The following SASH1 variants were observed in gnomAD, a reference collection of about 807,000 sequenced individuals.
The protein encoded by SASH1 is SAM and SH3 domain containing 1, also known as SAM and SH3 domain-containing protein 1.
SASH1 carries 44 observed loss-of-function variants against 125.2 expected under a neutral mutation model. The ratio of observed to expected loss-of-function variants is 0.35; its 90% CI spans 0.28 to 0.45. The LOEUF is 0.45. SASH1 is among the 20% of genes least tolerant of loss of function. SASH1 has a pLI of 1.00. For synonymous variants in SASH1, 639 were observed against 649.1 expected, an observed-to-expected ratio of 0.98 and a Z score of 0.24; for missense variants, 1,426 against 1,614.5, an observed-to-expected ratio of 0.88 and a Z score of 2.00.
intron 17 of SASH1, among the ~76,000 whole-genome samples, chr6:148,541,057 CA>C (rs1193770963): frequency 6.6e-6 from 1 of 151,918 alleles, no homozygotes; most frequent in Non-Finnish European, 1.5e-5. Flanking sequence ...GTACTTGTCT[CA>C]AACAGAAGAG....
chr6:148,464,330 A>G (rs762276382), intron 4 of SASH1, among the ~76,000 whole-genome samples: 4 of 152,216 alleles, frequency 2.6e-5, no homozygotes, highest in Non-Finnish European at 5.9e-5. Flanking sequence ...TGATAATTAA[A>G]TGTTTAAATG....
intron 2 of SASH1, among the ~76,000 whole-genome samples, chr6:148,417,582 AAAAT>A (rs61198279): frequency 2.0e-5 from 3 of 147,800 alleles, no homozygotes; most frequent in Non-Finnish European, 3.0e-5. Flanking sequence ...GGACTCTGTC[AAAAT>A]AAATAAATAA....
the SASH1 span, among the ~76,000 whole-genome samples, chr6:148,266,900 C>A: frequency 2.0e-5 from 3 of 152,196 alleles, 1 homozygote; most frequent in Middle Eastern, 0.01. Context: ...TGTAAGCCAC[C>A]ATGCCTGGCC....
chr6:148,232,821 G>GTGTT, the SASH1 span, among the ~76,000 whole-genome samples: 1 of 152,160 alleles, frequency 6.6e-6, no homozygotes, highest in Non-Finnish European at 1.5e-5. Flanking sequence ...CTAGCTTTTA[G>GTGTT]TGTTTCTTTA....
In SASH1 at chr6:148,514,457, GTAAAAAA is replaced by G; in HGVS notation, c.862+2_862+8del. The G allele has an allele frequency of 4.7e-6, 1 of 213,842 alleles. No individual in the cohort carries two copies. Among genetic ancestry groups the G allele is most frequent in the Non-Finnish European group, 6.3e-6 (1 of 158,180 alleles). The allele number at this position is 213,842 out of a possible 1,614,324, so 13.2% of individuals were successfully genotyped here. On this transcript the variant is annotated splice_donor_variant and splice_donor_5th_base_variant and intron_variant, in intron 9 of 19. Transcript: ENST00000367467. LOFTEE classifies it high-confidence loss of function. ...GAAATGAAAAAACCCAGCACTGAAG[GTAAAAAA>G]AAAAAAAAAAAAAAAAAAAAAAGGC... is the stretch of plus-strand genomic sequence containing the variant.
chr6:148,527,346 A>T, intron 11 of SASH1, 107 bp from the exon 12 acceptor site: 1 of 984,772 alleles, frequency 1.0e-6, no homozygotes, highest in East Asian at 2.8e-5. Context: ...GTCAAGATCC[A>T]TGAGGAATGT....
the SASH1 span, among the ~76,000 whole-genome samples, chr6:148,200,064 A>G: frequency 1.3e-5 from 2 of 152,210 alleles, no homozygotes; most frequent in African/African-American, 4.8e-5. Flanking sequence ...GGCTGCTTAC[A>G]ATGCCAAGAC....
chr6:148,509,714 G>A (rs1006571961), intron 8 of SASH1, among the ~76,000 whole-genome samples: 2 of 152,216 alleles, frequency 1.3e-5, no homozygotes, highest in Non-Finnish European at 2.9e-5. Flanking sequence ...ATCTGTTACC[G>A]ACCAGCAGTG....
intron 2 of SASH1, among the ~76,000 whole-genome samples, chr6:148,404,804 A>G (rs1784313039): frequency 1.4e-5 from 1 of 70,194 alleles, no homozygotes. Flanking sequence ...CCCCTCCAAC[A>G]CCCCACCCCC....
chr6:148,372,469 C>G (rs1236144007), intron 1 of SASH1, among the ~76,000 whole-genome samples: 3 of 152,030 alleles, frequency 2.0e-5, no homozygotes, highest in Non-Finnish European at 4.4e-5. Context: ...GCATAAGGCA[C>G]CAGCATAGTG....
At position 148,546,032 on chromosome 6, in the gene SASH1, T is replaced by C. The variant is rs1176670526; in HGVS notation, c.3366T>C (p.Ile1122=). 6.2e-7 allele frequency: 1 copy of C among 1,613,748 alleles called. No homozygotes were observed. Among genetic ancestry groups the C allele is most frequent in the South Asian group, 1.1e-5 (1 of 90,996 alleles). Residue 1122 remains isoleucine, a synonymous_variant, in exon 19 of 20, where the codon ATT becomes ATC. Coordinates refer to ENST00000367467, the MANE Select transcript of SASH1 (RefSeq NM_015278.5). ...PYSDKHGRCG[I]PEALVQRYAE... ...CCTGGCAGCATGGCCGCTGTGGGAT[T>C]CCTGAAGCCCTGGTGCAGAGATACG...
upstream of SASH1, among the ~76,000 whole-genome samples, chr6:148,341,202 G>A (rs975531500): frequency 1.3e-5 from 2 of 151,986 alleles, no homozygotes; most frequent in Non-Finnish European, 2.9e-5. Context: ...CCAGGCTGGA[G>A]TGCAGCAGCA....
At chr6:148,416,310 T>C (rs1784812867) in intron 2 of SASH1, among the ~76,000 whole-genome samples, 1 of 152,158 alleles carries the variant, frequency 6.6e-6, no homozygotes, top group Non-Finnish European at 1.5e-5. Context: ...TTTCTTTTTT[T>C]CTTTTCTTTT....
the SASH1 span, among the ~76,000 whole-genome samples, chr6:148,252,679 A>T: frequency 6.6e-6 from 1 of 152,104 alleles, no homozygotes; most frequent in African/African-American, 2.4e-5. Flanking sequence ...GGGTTTCGCC[A>T]TGTTGGCCAG....
rs762753345 is a variant in SASH1 at position 148,548,537 on chromosome 6, G to A, written c.3723G>A (p.Pro1241=). The change falls in exon 20 of 20, where the codon CCG becomes CCA. Residue 1241 remains proline (P), a synonymous_variant. Coordinates refer to ENST00000367467, the MANE Select transcript of SASH1 (RefSeq NM_015278.5). ...LLSAARLFKL[P]PGPEAM is the part of the protein sequence containing the mutation. ...CTGCAGCCAGACTCTTCAAACTGCC[G>A]CCAGGCCCTGAGGCCATGTAGCCAG... The A allele has an allele frequency of 9.3e-6, 15 of 1,608,496 alleles. 1 individual carries two copies. Among genetic ancestry groups the A allele is most frequent in the South Asian group, 2.2e-5 (2 of 89,882 alleles).
intron 1 of SASH1, among the ~76,000 whole-genome samples, chr6:148,276,583 C>A (rs1779189867): frequency 6.6e-6 from 1 of 152,030 alleles, no homozygotes; most frequent in African/African-American, 2.4e-5. Flanking sequence ...AAAGTATATG[C>A]AAAGGGAAAA....
At chr6:148,425,335 A>T (rs550099150) in intron 2 of SASH1, among the ~76,000 whole-genome samples, 2 of 152,298 alleles carry the variant, frequency 1.3e-5, no homozygotes, top group Admixed American at 6.5e-5. Context: ...TAATGAAATA[A>T]GGTGCTTTTA....
At chr6:148,407,059 T>A (rs1034216502) in intron 2 of SASH1, among the ~76,000 whole-genome samples, 5 of 151,936 alleles carry the variant, frequency 3.3e-5, no homozygotes, top group East Asian at 3.8e-4. Flanking sequence ...TTAAAAAAAA[T>A]TATTTTAAAA....
intron 1 of SASH1, among the ~76,000 whole-genome samples, chr6:148,322,912 T>C (rs200237338): frequency 0.11 from 12,522 of 118,460 alleles, 1,264 homozygotes; most frequent in East Asian, 0.32. Context: ...CTCTCTTTCT[T>C]TCTTTTTTCT....
Sources: gnomAD v4.1 joint callset for allele counts (sites outside exome capture counted in the v4.1 genomes callset) on GRCh38, gnomAD v4.1.1 for gene constraint, MANE v1.5 for transcripts, NCBI Gene and HGNC (gene_info 2026-07-23, HGNC 2026-07-21) for gene names.